Variants in CDH8 observed in about 807,000 individuals in gnomAD.
CDH8 encodes cadherin 8, also known as cadherin-8.
In CDH8, 17 loss-of-function variants were observed where a neutral mutation model predicts 68.1. The observed-to-expected ratio is 0.25, with a 90% CI of 0.17 to 0.37. CDH8 has a LOEUF of 0.37. Ranked by LOEUF, CDH8 falls within the 10% of genes least tolerant of loss-of-function variation. The pLI is 1.00. For missense variants in CDH8, 763 were observed against 999.3 expected (o/e 0.76, Z 3.19); for synonymous variants, 372 against 365.1 (o/e 1.02, Z -0.21).
intron 7 of CDH8, among the ~76,000 whole-genome samples, chr16:61,812,116 G>C (rs930623197): frequency 6.6e-6 from 1 of 152,102 alleles, no homozygotes; most frequent in East Asian, 1.9e-4. Flanking sequence ...CAGAAATTGA[G>C]AGTTATTGCA....
intron 8 of CDH8, among the ~76,000 whole-genome samples, chr16:61,764,332 A>T (rs1285360548): frequency 2.6e-5 from 4 of 152,080 alleles, no homozygotes; most frequent in Admixed American, 6.6e-5. Flanking sequence ...GGTCAGAAGG[A>T]GTTAGCTGAG....
At chr16:61,733,936 T>A (rs1409029811) in intron 8 of CDH8, among the ~76,000 whole-genome samples, 1 of 152,058 alleles carries the variant, frequency 6.6e-6, no homozygotes, top group Non-Finnish European at 1.5e-5. Context: ...CCCATAATCT[T>A]AAATAATATA....
chr16:61,865,054 C>T (rs945810725), intron 3 of CDH8, among the ~76,000 whole-genome samples: 4 of 152,168 alleles, frequency 2.6e-5, no homozygotes, highest in Admixed American at 6.5e-5. Flanking sequence ...CTACTCGCTG[C>T]TCACTGGGTG....
intron 2 of CDH8, among the ~76,000 whole-genome samples, chr16:61,982,069 T>C (rs746548078): frequency 3.3e-5 from 5 of 152,156 alleles, no homozygotes; most frequent in Non-Finnish European, 5.9e-5. Context: ...ACATAGTCAG[T>C]GCGTCATATG....
intron 3 of CDH8, among the ~76,000 whole-genome samples, chr16:61,884,104 C>T (rs544465752): frequency 9.9e-5 from 15 of 152,160 alleles, no homozygotes; most frequent in Non-Finnish European, 1.5e-4. Context: ...GTTGGTCATA[C>T]GCTTGAAAAA....
At chr16:61,933,237 C>A (rs977019241) in intron 2 of CDH8, among the ~76,000 whole-genome samples, 1 of 152,048 alleles carries the variant, frequency 6.6e-6, no homozygotes, top group Non-Finnish European at 1.5e-5. Flanking sequence ...CAATATTATT[C>A]GAAGTGTTTC....
intron 10 of CDH8, among the ~76,000 whole-genome samples, chr16:61,666,568 A>C (rs376994760): frequency 1.3e-5 from 2 of 152,048 alleles, no homozygotes; most frequent in East Asian, 3.9e-4. Flanking sequence ...GGCAGAGTTA[A>C]TGAAGGCACT....
At chr16:61,680,396 A>T (rs935845757) in intron 10 of CDH8, among the ~76,000 whole-genome samples, 1 of 151,822 alleles carries the variant, frequency 6.6e-6, no homozygotes, top group South Asian at 2.1e-4. Flanking sequence ...CATCCTACCA[A>T]TGCCGATTCT....
At position 61,653,685 on chromosome 16, in the gene CDH8, A is replaced by G; in HGVS notation, c.2323T>C (p.Tyr775His). Residue 775 changes from tyrosine to histidine, a missense_variant, in exon 12 of 12, where the codon TAC (tyrosine) becomes CAC (histidine). By Grantham distance (83) the Tyr-to-His change is moderately conservative. This residue lies in a region of CDH8 where 397 missense variants were observed against 436.2 expected (regional missense o/e 0.91). Coordinates refer to ENST00000577390, the MANE Select transcript of CDH8 (RefSeq NM_001796.5). ...AAGCGGGGACCCCAGTCACTGAGGT[A>G]GTCAAAATTCTGGTCTGAGTCTGAT... The part of the protein sequence containing the change: ...TTSDSDQNFD[Y>H]LSDWGPRFKR... 6.2e-7 allele frequency: 1 copy of G among 1,614,174 alleles called. No homozygotes were observed. Among genetic ancestry groups the G allele is most frequent in the African/African-American group, 1.3e-5 (1 of 75,040 alleles).
At chr16:61,684,857 C>T (rs908263267) in intron 10 of CDH8, among the ~76,000 whole-genome samples, 1 of 151,936 alleles carries the variant, frequency 6.6e-6, no homozygotes, top group Non-Finnish European at 1.5e-5. Flanking sequence ...GGATTCAACT[C>T]CCCTTCCTTT....
intron 7 of CDH8, among the ~76,000 whole-genome samples, chr16:61,813,590 C>G (rs1962003444): frequency 6.6e-6 from 1 of 152,168 alleles, no homozygotes; most frequent in Admixed American, 6.5e-5. Flanking sequence ...GGGGGAGAAG[C>G]CTGGTCTCCA....
chr16:61,835,073 T>C (rs183273914), intron 4 of CDH8, among the ~76,000 whole-genome samples: 1 of 152,118 alleles, frequency 6.6e-6, no homozygotes, highest in Admixed American at 6.6e-5. Flanking sequence ...AACAATCACC[T>C]TCTATGCTAT....
At chr16:61,762,292 G>C (rs777095916) in intron 8 of CDH8, among the ~76,000 whole-genome samples, 8 of 152,138 alleles carry the variant, frequency 5.3e-5, no homozygotes, top group Non-Finnish European at 8.8e-5. Flanking sequence ...TCTGGTTATA[G>C]TATTGTACTA....
Position 61,912,372 on chromosome 16 carries a change from T to C in CDH8, c.253-10899A>G, listed in dbSNP as rs188666217. 5.6e-3 allele frequency among the ~76,000 whole-genome samples: 859 copies of C among 152,230 alleles called. 5 individuals are homozygous for C. Among genetic ancestry groups the C allele is most frequent in the South Asian group, 0.012 (58 of 4,824 alleles). ...CTCCTACTTCTTGAGCAATAAACTG[T>C]CTCATTTAAAGCTTTGGAAGAATGC... On this transcript the variant is annotated intron_variant, in intron 2 of 11. Transcript: ENST00000577390.
At chr16:61,706,733 G>C (rs1964543335) in intron 10 of CDH8, among the ~76,000 whole-genome samples, 1 of 151,592 alleles carries the variant, frequency 6.6e-6, no homozygotes, top group African/African-American at 2.4e-5. Flanking sequence ...TAGGAAGATA[G>C]ACATTCAATC....
Position 61,653,913 on chromosome 16 carries a change from C to A in CDH8, c.2095G>T (p.Asp699Tyr). Residue 699 changes from aspartate to tyrosine, a missense_variant, in exon 12 of 12, where the codon GAT (aspartate) becomes TAT (tyrosine). Physicochemically the swap from Asp to Tyr is radical, Grantham distance 160 (BLOSUM62 -3). This residue lies in a region of CDH8 where 397 missense variants were observed against 436.2 expected (regional missense o/e 0.91). Coordinates refer to ENST00000577390, the MANE Select transcript of CDH8 (RefSeq NM_001796.5). The part of the protein sequence containing the change: ...DGINGFLPRK[D>Y]IKPDLQFMPR... Reference sequence around the variant, plus strand: ...ATAAACTGCAAATCTGGTTTAATATCCTTACGGGGTAAAAATCCATTAATT... The same window carrying A: ...ATAAACTGCAAATCTGGTTTAATATACTTACGGGGTAAAAATCCATTAATT... 3.1e-6 allele frequency: 5 copies of A among 1,614,184 alleles called. No homozygotes were observed. The highest frequency in any genetic ancestry group is 4.2e-6 in the Non-Finnish European group (5 of 1,180,030).
intron 2 of CDH8, among the ~76,000 whole-genome samples, chr16:61,912,689 T>A (rs923576665): frequency 6.6e-6 from 1 of 152,150 alleles, no homozygotes. Context: ...TGACCAGATA[T>A]GATCTTGGGC....
At chr16:61,714,788 A>T (rs1964692936) in intron 9 of CDH8, among the ~76,000 whole-genome samples, 1 of 151,704 alleles carries the variant, frequency 6.6e-6, no homozygotes, top group African/African-American at 2.4e-5. Context: ...GTTTGAATGT[A>T]TACTCCTATA....
At chr16:61,850,647 C>A (rs911618641) in intron 4 of CDH8, among the ~76,000 whole-genome samples, 1 of 151,896 alleles carries the variant, frequency 6.6e-6, no homozygotes, top group African/African-American at 2.4e-5. Flanking sequence ...CCCTGATCAC[C>A]AATTTATCTT....
Sources: gnomAD v4.1 joint callset for allele counts (sites outside exome capture counted in the v4.1 genomes callset) on GRCh38, gnomAD v4.1.1 for gene constraint, gnomAD v4.1.1 regional missense constraint, MANE v1.5 for transcripts, NCBI Gene and HGNC (gene_info 2026-07-23, HGNC 2026-07-21) for gene names.